Variants in SCLT1 observed in about 807,000 individuals in gnomAD.
SCLT1 encodes sodium channel-associated protein 1.
SCLT1 carries 78 observed loss-of-function variants against 112.8 expected under a neutral mutation model. The observed-to-expected ratio is 0.69, with a 90% CI of 0.58 to 0.83. The LOEUF is 0.83. SCLT1 is among the 40% of genes least tolerant of loss of function. The pLI, the probability that SCLT1 is intolerant of heterozygous loss-of-function variation, is 0.00. For missense variants in SCLT1, 747 were observed against 770.4 expected, an observed-to-expected ratio of 0.97 and a Z score of 0.36; for synonymous variants, 257 against 254.7, an observed-to-expected ratio of 1.01 and a Z score of -0.09.
At chr4:129,088,550 T>C (rs1752586276) in intron 1 of SCLT1, among the ~76,000 whole-genome samples, 1 of 152,130 alleles carries the variant, frequency 6.6e-6, no homozygotes, top group Admixed American at 6.5e-5. Context: ...ATGAAAGGCA[T>C]CCAAATTGAA....
At position 128,990,761 on chromosome 4, in the gene SCLT1, A is replaced by T. The variant is rs192810399; in HGVS notation, c.686+1406T>A. On this transcript the variant is annotated intron_variant, in intron 9 of 20. Transcript: ENST00000281142. ...GTTGCCACATACAAGATCAACGAAC[A>T]AAAATCAGTATTATTTCCATATGCC... 3.0e-3 allele frequency among the ~76,000 whole-genome samples: 453 copies of T among 151,976 alleles called. 3 individuals are homozygous for T. The highest frequency in any genetic ancestry group is 9.7e-3 in the African/African-American group (405 of 41,566).
chr4:129,025,362 G>C (rs931479289), intron 5 of SCLT1, among the ~76,000 whole-genome samples: 6 of 150,684 alleles, frequency 4.0e-5, no homozygotes, highest in African/African-American at 9.8e-5. Flanking sequence ...TGGCAGAAAC[G>C]CTACAAGCCA....
At chr4:128,930,076 A>C (rs1380554806) in intron 18 of SCLT1, among the ~76,000 whole-genome samples, 1 of 152,188 alleles carries the variant, frequency 6.6e-6, no homozygotes, top group Non-Finnish European at 1.5e-5. Context: ...GGTAGGCCCT[A>C]AAACCCCTTA....
intron 10 of SCLT1, among the ~76,000 whole-genome samples, chr4:128,968,613 T>C (rs771454122): frequency 2.2e-4 from 34 of 152,332 alleles, no homozygotes; most frequent in Non-Finnish European, 3.2e-4. Flanking sequence ...CCCACAAGTA[T>C]AGGTCATACT....
At chr4:128,888,860 T>C (rs1240567091) in intron 19 of SCLT1, 86 bp from the exon 20 acceptor site, 1 of 698,274 alleles carries the variant, frequency 1.4e-6, no homozygotes, top group African/African-American at 1.8e-5. Flanking sequence ...AATCTGGACA[T>C]CACTTTACCA....
At chr4:128,941,048 A>AT (rs1409565621) in intron 17 of SCLT1, among the ~76,000 whole-genome samples, 5 of 151,894 alleles carry the variant, frequency 3.3e-5, no homozygotes, top group East Asian at 1.9e-4. Context: ...CTCTCACATG[A>AT]TTTTTTATTC....
intron 17 of SCLT1, among the ~76,000 whole-genome samples, chr4:128,939,702 C>T (rs115897231): frequency 5.9e-5 from 9 of 152,196 alleles, no homozygotes; most frequent in South Asian, 2.1e-4. Flanking sequence ...AAGGAGAAAG[C>T]GAGGGCTGAA....
intron 5 of SCLT1, among the ~76,000 whole-genome samples, chr4:129,032,169 C>G (rs535349782): frequency 7.9e-5 from 12 of 152,054 alleles, no homozygotes; most frequent in Non-Finnish European, 1.6e-4. Flanking sequence ...GAACAGAAAA[C>G]TCAGAAATAA....
chr4:129,010,746 T>G (rs779337371), intron 5 of SCLT1, among the ~76,000 whole-genome samples: 4 of 152,016 alleles, frequency 2.6e-5, no homozygotes, highest in Non-Finnish European at 5.9e-5. Flanking sequence ...TGTACAGGAG[T>G]GCTAGTAATT....
intron 11 of SCLT1, 90 bp from the exon 12 acceptor site, chr4:128,959,867 T>G: frequency 3.4e-5 from 31 of 919,222 alleles, no homozygotes; most frequent in African/African-American, 6.6e-5. Flanking sequence ...ACAGGTATTA[T>G]GCCAGTAACT....
chr4:128,915,839 A>G (rs1289969321), intron 18 of SCLT1, among the ~76,000 whole-genome samples: 3 of 152,378 alleles, frequency 2.0e-5, no homozygotes, highest in Middle Eastern at 3.4e-3. Flanking sequence ...TGATAGTCCC[A>G]TAGGAAAGAC....
chr4:128,943,191 G>A lies in SCLT1; in HGVS notation c.1440-3C>T. On this transcript the variant is annotated splice_polypyrimidine_tract_variant and splice_region_variant and intron_variant, in intron 16 of 20. Coordinates refer to ENST00000281142, the MANE Select transcript of SCLT1 (RefSeq NM_144643.4). The stretch of plus-strand genomic sequence containing the variant: ...AACGTGATATTTCTTCTGAGGAGCT[G>A]ATTAAAAAACGAAATGAAAAGAATC... 6.3e-7 allele frequency: 1 copy of A among 1,590,378 alleles called. No homozygotes were observed. The highest frequency in any genetic ancestry group is 1.8e-5 in the Admixed American group (1 of 55,810).
At chr4:128,932,399 T>G (rs1443050056) in intron 18 of SCLT1, among the ~76,000 whole-genome samples, 1 of 152,140 alleles carries the variant, frequency 6.6e-6, no homozygotes, top group Non-Finnish European at 1.5e-5. Flanking sequence ...ATATCTATAG[T>G]TTTTGAGATC....
rs540714602 is a variant in SCLT1 at position 128,975,334 on chromosome 4, C to T, written c.687-4866G>A. ...GATTACAGGCATGAGCCACCACACC[C>T]GGCCAACAACTTTTTAAAAATAAAA... On this transcript the variant is annotated intron_variant, in intron 9 of 20. Coordinates refer to ENST00000281142, the MANE Select transcript of SCLT1 (RefSeq NM_144643.4). Among the ~76,000 whole-genome samples the T allele has an allele frequency of 3.6e-4, 54 of 152,020 alleles. No individual in the cohort carries two copies. In the South Asian group the frequency reaches 8.5e-3, roughly 24 times the overall value.
At chr4:129,079,694 G>A (rs1751768404) in intron 2 of SCLT1, among the ~76,000 whole-genome samples, 1 of 152,220 alleles carries the variant, frequency 6.6e-6, no homozygotes, top group African/African-American at 2.4e-5. Flanking sequence ...TCCGGAGGAT[G>A]GTAGCTCCCT....
downstream of SCLT1, among the ~76,000 whole-genome samples, chr4:128,880,373 G>C (rs776227471): frequency 6.6e-6 from 1 of 152,056 alleles, no homozygotes; most frequent in Non-Finnish European, 1.5e-5. Context: ...TGTGTGGCTA[G>C]CATTCATTGT....
At chr4:129,045,394 A>G (rs1308272323) in intron 2 of SCLT1, among the ~76,000 whole-genome samples, 2 of 152,112 alleles carry the variant, frequency 1.3e-5, no homozygotes, top group African/African-American at 4.8e-5. Flanking sequence ...TAAAAGACCT[A>G]CAGCATTCGT....
chr4:128,927,774 A>C (rs1230124199), intron 18 of SCLT1, among the ~76,000 whole-genome samples: 1 of 152,010 alleles, frequency 6.6e-6, no homozygotes, highest in Non-Finnish European at 1.5e-5. Flanking sequence ...AACAAAGAGC[A>C]GAAAGTAATA....
intron 9 of SCLT1, 88 bp from the exon 10 acceptor site, chr4:128,970,556 A>G: frequency 1.3e-6 from 1 of 747,158 alleles, no homozygotes; most frequent in Non-Finnish European, 2.3e-6. Context: ...TGGTAAAATC[A>G]GTTCTAACTC....
Sources: allele counts gnomAD v4.1 joint callset (sites outside exome capture counted in the v4.1 genomes callset), GRCh38; gene constraint gnomAD v4.1.1; transcripts MANE v1.5; gene names NCBI Gene and HGNC (gene_info 2026-07-23, HGNC 2026-07-21).